TJP1: variants seen among roughly 807,000 people sequenced by gnomAD.
TJP1 encodes the protein tight junction protein ZO-1.
In TJP1, 43 loss-of-function variants were observed where a neutral mutation model predicts 194.2. That is an observed-to-expected ratio of 0.22 (90% CI 0.17 to 0.29). The LOEUF is 0.29. Among genes scored for constraint, TJP1 ranks in the 10% least tolerant of loss-of-function variants. TJP1 has a pLI of 1.00. For synonymous variants in TJP1, 801 were observed against 779.0 expected, an observed-to-expected ratio of 1.03 and a Z score of -0.47; for missense variants, 1,971 against 2,185.7, an observed-to-expected ratio of 0.90 and a Z score of 1.96.
In TJP1 at chr15:29,737,418, T is replaced by C; in HGVS notation, c.1257-4A>G. ...TTTTACCAATTTCATGCTGGGCCTG[T>C]TAAAACAGATATTTCATTTGAAACA... On this transcript the variant is annotated splice_region_variant and splice_polypyrimidine_tract_variant and intron_variant, in intron 10 of 27. Transcript: ENST00000614355. 1 of 1,614,158 alleles carries C rather than the reference T, an allele frequency of 6.2e-7. No individual in the cohort carries two copies. Among genetic ancestry groups the C allele is most frequent in the Non-Finnish European group, 8.5e-7 (1 of 1,180,014 alleles).
chr15:29,949,264 C>A (rs1230146231), intron 2 of TJP1, among the ~76,000 whole-genome samples: 8 of 118,344 alleles, frequency 6.8e-5, no homozygotes, highest in South Asian at 2.8e-4. Flanking sequence ...CCTCCACCAC[C>A]ACCACCTCCA....
intron 2 of TJP1, among the ~76,000 whole-genome samples, chr15:29,929,825 AAC>A: frequency 6.6e-6 from 1 of 152,272 alleles, no homozygotes; most frequent in East Asian, 1.9e-4. Flanking sequence ...TGATTTTTAA[AAC>A]AGCAGCAAAA....
intron 2 of TJP1, among the ~76,000 whole-genome samples, chr15:29,834,772 G>A (rs766455005): frequency 2.0e-5 from 3 of 152,064 alleles, no homozygotes; most frequent in African/African-American, 4.8e-5. Flanking sequence ...AGCAAAAACC[G>A]GCAGAAACCA....
At chr15:29,906,774 T>G (rs2053830016) in intron 2 of TJP1, among the ~76,000 whole-genome samples, 1 of 151,640 alleles carries the variant, frequency 6.6e-6, no homozygotes, top group Non-Finnish European at 1.5e-5. Flanking sequence ...GCGATGGGGT[T>G]TCACCATGTT....
chr15:29,954,949 G>A (rs909145808), intron 2 of TJP1, among the ~76,000 whole-genome samples: 39 of 151,816 alleles, frequency 2.6e-4, no homozygotes, highest in Non-Finnish European at 3.4e-4. Context: ...GCGTGGTGGC[G>A]GGCGCCTGTA....
At chr15:29,879,533 C>G (rs1318084582) in intron 2 of TJP1, among the ~76,000 whole-genome samples, 2 of 152,084 alleles carry the variant, frequency 1.3e-5, no homozygotes, top group African/African-American at 4.8e-5. Flanking sequence ...GATTATTAGT[C>G]GGGTGAACTT....
chr15:29,745,323 T>C (rs971179418), intron 8 of TJP1, among the ~76,000 whole-genome samples: 32 of 136,118 alleles, frequency 2.4e-4, no homozygotes, highest in Admixed American at 3.7e-4. Flanking sequence ...AAAAACTTAA[T>C]GAATATTAAA....
chr15:29,700,495 T>C lies in TJP1; in HGVS notation c.*1100A>G, dbSNP rs1595526722. On this transcript the variant is annotated 3_prime_UTR_variant, in exon 28 of 28. Coordinates refer to ENST00000614355, the MANE Select transcript of TJP1 (RefSeq NM_001330239.4). ...CATGTGTCATAGAAACGCTGCTTTA[T>C]TGCTGCAGAGGTCAAAGTTCAAGGC... The C allele has an allele frequency of 1.0e-5, 4 of 398,834 alleles. No individual in the cohort carries two copies. The highest frequency in any genetic ancestry group is 1.8e-5 in the Non-Finnish European group (4 of 226,038). The allele number at this position is 398,834 out of a possible 1,614,324, so 24.7% of individuals were successfully genotyped here.
At chr15:29,719,279 T>A (rs933418755) in intron 20 of TJP1, 141 bp from the exon 21 acceptor site, 5 of 1,094,836 alleles carry the variant, frequency 4.6e-6, no homozygotes, top group Non-Finnish European at 6.2e-6. Flanking sequence ...TAGACAAGAT[T>A]AGTGGAAAAA....
At position 29,728,008 on chromosome 15, in the gene TJP1, G is replaced by A; in HGVS notation, c.2029C>T (p.Arg677Ter). Residue 677 changes from arginine (R) to a stop codon, truncating the protein, a stop_gained, in exon 16 of 28, where the codon CGA (arginine) becomes TGA (stop). Coordinates refer to ENST00000614355, the MANE Select transcript of TJP1 (RefSeq NM_001330239.4). LOFTEE classifies it high-confidence loss of function. Reference sequence around the variant, plus strand: ...CTACGTTGGTCAGTTCCAGCGTCTCGTGGTTCACTCTCTATTCATTATGTC... The same window carrying A: ...CTACGTTGGTCAGTTCCAGCGTCTCATGGTTCACTCTCTATTCATTATGTC... ...DIYQIAKSEP[R>*]DAGTDQRSSG... The A allele has an allele frequency of 6.2e-7, 1 of 1,613,976 alleles. No homozygotes were observed. The highest frequency in any genetic ancestry group is 8.5e-7 in the Non-Finnish European group (1 of 1,179,906).
intron 8 of TJP1, 106 bp downstream of exon 8, chr15:29,761,033 A>C: frequency 7.6e-7 from 1 of 1,310,072 alleles, no homozygotes; most frequent in South Asian, 1.7e-5. Context: ...TCTAATCTTG[A>C]ATAATCAAAA....
At chr15:29,839,622 C>G (rs2051153478) in intron 2 of TJP1, among the ~76,000 whole-genome samples, 1 of 152,084 alleles carries the variant, frequency 6.6e-6, no homozygotes, top group African/African-American at 2.4e-5. Context: ...TCTTTGGTGA[C>G]AGAGAGAGAA....
In TJP1 at chr15:29,728,025, C is replaced by T; in HGVS notation, c.2018-6G>A. 6.2e-7 allele frequency: 1 copy of T among 1,613,632 alleles called. No individual in the cohort carries two copies. Among genetic ancestry groups the T allele is most frequent in the South Asian group, 1.1e-5 (1 of 91,052 alleles). ...AGCGTCTCGTGGTTCACTCTCTATT[C>T]ATTATGTCAGGACAAAAATAAGACA... On this transcript the variant is annotated splice_region_variant and splice_polypyrimidine_tract_variant and intron_variant, in intron 15 of 27. Transcript: ENST00000614355.
chr15:29,700,631 G>T lies in TJP1; in HGVS notation c.*964C>A. Reference sequence around the variant, plus strand: ...AATTTACAAACCAAGAACAAAAGTGGTATGCACGCATTATGTACAAGCATC... The same window carrying T: ...AATTTACAAACCAAGAACAAAAGTGTTATGCACGCATTATGTACAAGCATC... On this transcript the variant is annotated 3_prime_UTR_variant, in exon 28 of 28. Coordinates refer to ENST00000614355, the MANE Select transcript of TJP1 (RefSeq NM_001330239.4). 1 of 353,310 alleles carries T rather than the reference G, an allele frequency of 2.8e-6. No individual in the cohort carries two copies. Among genetic ancestry groups the T allele is most frequent in the Non-Finnish European group, 5.0e-6 (1 of 199,008 alleles). The allele number at this position is 353,310 out of a possible 1,614,324, so 21.9% of individuals were successfully genotyped here. A position where few individuals can be genotyped will look rare whatever the true frequency, so the allele number is the denominator to read the frequency against.
At chr15:29,767,431 C>G (rs1377915944) in intron 4 of TJP1, among the ~76,000 whole-genome samples, 1 of 152,180 alleles carries the variant, frequency 6.6e-6, no homozygotes, top group Non-Finnish European at 1.5e-5. Flanking sequence ...CTTAGTTCAT[C>G]AGTTCCATCC....
chr15:29,700,184 G>C lies in TJP1; in HGVS notation c.*1411C>G. ...TAAAAAGTTTTATTTTGGAGATTTA[G>C]AAATTTGAGATTTTTAATAACGGCA... On this transcript the variant is annotated 3_prime_UTR_variant, in exon 28 of 28. Transcript: ENST00000614355. 1 of 398,756 alleles carries C rather than the reference G, an allele frequency of 2.5e-6. No individual in the cohort carries two copies. Among genetic ancestry groups the C allele is most frequent in the East Asian group, 3.6e-5 (1 of 28,042 alleles). The allele number at this position is 398,756 out of a possible 1,614,324, so 24.7% of individuals were successfully genotyped here.
chr15:29,757,480 A>G (rs957250121), intron 8 of TJP1, among the ~76,000 whole-genome samples: 1 of 152,230 alleles, frequency 6.6e-6, no homozygotes, highest in Non-Finnish European at 1.5e-5. Flanking sequence ...GTTTTTTTAC[A>G]CTAGCATTTT....
chr15:29,761,458 G>T, intron 7 of TJP1, 143 bp downstream of exon 7: 1 of 1,287,976 alleles, frequency 7.8e-7, no homozygotes. Context: ...GTTGTCTACA[G>T]GAAAAAATGT....
chr15:29,871,646 C>T (rs1380516269), intron 2 of TJP1, among the ~76,000 whole-genome samples: 3 of 152,250 alleles, frequency 2.0e-5, no homozygotes, highest in Admixed American at 6.5e-5. Flanking sequence ...AGGCGCCAAG[C>T]TGCACGTGAA....
Sources: allele counts gnomAD v4.1 joint callset (sites outside exome capture counted in the v4.1 genomes callset), GRCh38; gene constraint gnomAD v4.1.1; transcripts MANE v1.5; gene names NCBI Gene and HGNC (gene_info 2026-07-23, HGNC 2026-07-21).